Variants in KCND2 observed in about 807,000 individuals in gnomAD.
KCND2 encodes potassium voltage-gated channel subfamily D member 2, also known as A-type voltage-gated potassium channel KCND2.
A neutral mutation model predicts 54.4 loss-of-function variants in KCND2; 16 were observed. The observed-to-expected ratio is 0.29, with a 90% CI of 0.20 to 0.45. KCND2 has a LOEUF of 0.45. KCND2 is among the 20% of genes least tolerant of loss of function. The pLI is 1.00. For synonymous variants in KCND2, 317 were observed against 310.7 expected, an observed-to-expected ratio of 1.02 and a Z score of -0.21; for missense variants, 486 against 824.2, an observed-to-expected ratio of 0.59 and a Z score of 5.02.
intron 1 of KCND2, among the ~76,000 whole-genome samples, chr7:120,284,294 C>T (rs896351313): frequency 2.0e-5 from 3 of 151,912 alleles, no homozygotes; most frequent in Non-Finnish European, 2.9e-5. Flanking sequence ...CACATGCACA[C>T]GCACACACAC....
chr7:120,744,400 A>G (rs1792979875), intron 4 of KCND2, among the ~76,000 whole-genome samples: 1 of 152,162 alleles, frequency 6.6e-6, no homozygotes, highest in Admixed American at 6.6e-5. Flanking sequence ...AAAAGTATGT[A>G]GTAACTAATA....
At chr7:120,533,354 A>T (rs1445859170) in intron 1 of KCND2, among the ~76,000 whole-genome samples, 2 of 152,086 alleles carry the variant, frequency 1.3e-5, no homozygotes, top group African/African-American at 4.8e-5. Flanking sequence ...GAAGCCTTTG[A>T]GATTATCTTA....
chr7:120,735,677 G>A (rs79573838), intron 2 of KCND2, among the ~76,000 whole-genome samples: 2,117 of 152,078 alleles, frequency 0.014, 23 homozygotes, highest in African/African-American at 0.033. Context: ...TAATTGAAAA[G>A]TATATTTTGT....
intron 1 of KCND2, among the ~76,000 whole-genome samples, chr7:120,597,083 G>C (rs932930977): frequency 3.3e-5 from 5 of 152,118 alleles, no homozygotes; most frequent in African/African-American, 1.2e-4. Flanking sequence ...ACAAAGTGGA[G>C]TACAGACTGG....
chr7:120,498,734 C>T (rs1273847856), intron 1 of KCND2, among the ~76,000 whole-genome samples: 3 of 152,088 alleles, frequency 2.0e-5, no homozygotes, highest in Admixed American at 1.3e-4. Flanking sequence ...AAGATCGTGC[C>T]ACTGCATTCC....
At chr7:120,371,358 T>C (rs145187794) in intron 1 of KCND2, among the ~76,000 whole-genome samples, 60 of 152,160 alleles carry the variant, frequency 3.9e-4, no homozygotes, top group African/African-American at 1.4e-3. Flanking sequence ...CTGCTGACAT[T>C]TTCCAAAGGT....
chr7:120,510,756 C>A (rs551615206), intron 1 of KCND2, among the ~76,000 whole-genome samples: 3 of 152,080 alleles, frequency 2.0e-5, no homozygotes, highest in Admixed American at 1.3e-4. Context: ...ATAACATTCA[C>A]CAATTACGAA....
chr7:120,675,405 T>C (rs568074102), intron 1 of KCND2, among the ~76,000 whole-genome samples: 13 of 152,018 alleles, frequency 8.6e-5, no homozygotes, highest in African/African-American at 3.1e-4. Flanking sequence ...TTTCTCTTTT[T>C]TTTTTTTATT....
intron 1 of KCND2, among the ~76,000 whole-genome samples, chr7:120,691,485 A>G (rs1562910898): frequency 6.6e-6 from 1 of 152,182 alleles, no homozygotes; most frequent in Non-Finnish European, 1.5e-5. Context: ...AGACAGAGGT[A>G]TAGGATGACT....
chr7:120,579,602 AAATAAAT>A (rs1473048234), intron 1 of KCND2, among the ~76,000 whole-genome samples: 2 of 6,046 alleles, frequency 3.3e-4, no homozygotes, highest in African/African-American at 1.2e-3. Context: ...CTCTGTCTAA[AAATAAAT>A]AAATAAATAA....
intron 1 of KCND2, among the ~76,000 whole-genome samples, chr7:120,620,774 G>C (rs1403713878): frequency 6.6e-6 from 1 of 152,136 alleles, no homozygotes; most frequent in Non-Finnish European, 1.5e-5. Context: ...TTTCAACTTT[G>C]TATATGCTAC....
chr7:120,434,353 G>A (rs1801836341), intron 1 of KCND2, among the ~76,000 whole-genome samples: 1 of 152,152 alleles, frequency 6.6e-6, no homozygotes, highest in African/African-American at 2.4e-5. Flanking sequence ...TTATCAAAAG[G>A]ATAAAAGCAG....
intron 1 of KCND2, among the ~76,000 whole-genome samples, chr7:120,374,413 C>A (rs79898811): frequency 1.4e-4 from 21 of 151,766 alleles, no homozygotes; most frequent in African/African-American, 4.8e-4. Flanking sequence ...CCCACTCCCC[C>A]AACCCCCGAA....
At chr7:120,532,113 G>A (rs939755334) in intron 1 of KCND2, among the ~76,000 whole-genome samples, 6 of 151,944 alleles carry the variant, frequency 3.9e-5, no homozygotes, top group African/African-American at 1.4e-4. Context: ...CAAAAATGGT[G>A]ATTCTAGCTG....
chr7:120,595,174 G>A (rs1416659797), intron 1 of KCND2, among the ~76,000 whole-genome samples: 1 of 151,880 alleles, frequency 6.6e-6, no homozygotes, highest in African/African-American at 2.4e-5. Flanking sequence ...ATGTAGGCCG[G>A]GTGTGGTGGC....
intron 1 of KCND2, among the ~76,000 whole-genome samples, chr7:120,463,108 A>G (rs1326810258): frequency 6.6e-6 from 1 of 152,038 alleles, no homozygotes; most frequent in Non-Finnish European, 1.5e-5. Context: ...CTAACTTTCT[A>G]GATTGTTTGA....
chr7:120,435,693 G>A (rs553890939), intron 1 of KCND2, among the ~76,000 whole-genome samples: 4 of 151,838 alleles, frequency 2.6e-5, no homozygotes, highest in East Asian at 3.9e-4. Context: ...CTGAACCACC[G>A]AACAGAACCA....
At chr7:120,624,772 C>A (rs1271394929) in intron 1 of KCND2, among the ~76,000 whole-genome samples, 3 of 143,084 alleles carry the variant, frequency 2.1e-5, no homozygotes, top group African/African-American at 8.5e-5. Context: ...TAAACTGAGA[C>A]CCTGTCTCAA....
intron 3 of KCND2, 92 bp from the exon 4 acceptor site, chr7:120,742,418 A>G: frequency 1.0e-6 from 1 of 990,314 alleles, no homozygotes; most frequent in Non-Finnish European, 1.6e-6. Context: ...TTGCCAGTTA[A>G]TAGAGCAGAT....
Sources: gnomAD v4.1 joint callset for allele counts (sites outside exome capture counted in the v4.1 genomes callset) on GRCh38, gnomAD v4.1.1 for gene constraint, MANE v1.5 for transcripts, NCBI Gene and HGNC (gene_info 2026-07-23, HGNC 2026-07-21) for gene names.